DIAPH3: variants seen among roughly 807,000 people sequenced by gnomAD.
DIAPH3 encodes the protein diaphanous related formin 3, also known as protein diaphanous homolog 3.
DIAPH3 carries 117 observed loss-of-function variants against 144.3 expected under a neutral mutation model. The ratio of observed to expected loss-of-function variants is 0.81; its 90% CI spans 0.70 to 0.95. The LOEUF (loss-of-function observed/expected upper bound fraction) is 0.95, where lower values mean the gene tolerates loss of function less well. Among genes scored for constraint, DIAPH3 ranks in the 40% least tolerant of loss-of-function variants. The probability of loss-of-function intolerance (pLI) is 0.00; values close to 1 mark genes in which losing one functional copy is unlikely to be tolerated. For synonymous variants in DIAPH3, 519 were observed against 488.9 expected, an observed-to-expected ratio of 1.06 and a Z score of -0.81; for missense variants, 1,421 against 1,412.7, an observed-to-expected ratio of 1.01 and a Z score of -0.09.
intron 5 of DIAPH3, among the ~76,000 whole-genome samples, chr13:60,017,886 TACTCTTC>T (rs2053760232): frequency 6.6e-6 from 1 of 152,228 alleles, no homozygotes; most frequent in Non-Finnish European, 1.5e-5. Flanking sequence ...GTGAAGGGTT[TACTCTTC>T]ACTATCAGCG....
Position 59,886,249 on chromosome 13 carries a change from GA to G in DIAPH3, c.2368-6782del, listed in dbSNP as rs368625572. On this transcript the variant is annotated intron_variant, in intron 20 of 27. Transcript: ENST00000400324. ...AGTTGAGATTCATTTTAGTCCCTAA[GA>G]TGTATAGACTTTACAAAACTATTTG... Among the ~76,000 whole-genome samples the G allele has an allele frequency of 7.3e-3, 1,107 of 152,134 alleles. 5 individuals carry two copies. Among genetic ancestry groups the G allele is most frequent in the South Asian group, 9.7e-3 (47 of 4,826 alleles).
chr13:59,941,331 G>A (rs551314617), intron 17 of DIAPH3, among the ~76,000 whole-genome samples: 69 of 152,258 alleles, frequency 4.5e-4, no homozygotes, highest in African/African-American at 1.6e-3. Context: ...TGGGCCAAGA[G>A]AGAACTCGCA....
At chr13:59,818,581 T>G (rs921859870) in intron 24 of DIAPH3, among the ~76,000 whole-genome samples, 2 of 151,858 alleles carry the variant, frequency 1.3e-5, no homozygotes, top group Non-Finnish European at 3.0e-5. Context: ...TTTCCTATTC[T>G]ATGGATTGCT....
intron 27 of DIAPH3, among the ~76,000 whole-genome samples, chr13:59,707,463 A>C (rs552292972): frequency 8.5e-5 from 13 of 152,158 alleles, no homozygotes; most frequent in Non-Finnish European, 1.9e-4. Context: ...ACTGCAGAAT[A>C]AGGTTTTAGA....
chr13:59,951,336 C>G (rs1051756438), intron 17 of DIAPH3, among the ~76,000 whole-genome samples: 2 of 152,136 alleles, frequency 1.3e-5, no homozygotes, highest in African/African-American at 4.8e-5. Context: ...GCTTCCCCTT[C>G]TGCTATGATT....
At position 59,861,411 on chromosome 13, in the gene DIAPH3, A is replaced by G. The variant is rs2043576821; in HGVS notation, c.2733T>C (p.Ser911=). 2.5e-6 allele frequency: 4 copies of G among 1,613,776 alleles called. No individual in the cohort carries two copies. Among genetic ancestry groups the G allele is most frequent in the Admixed American group, 1.7e-5 (1 of 60,022 alleles). The change falls in exon 22 of 28, where the codon AGT becomes AGC. Residue 911 remains serine, a synonymous_variant. Coordinates refer to ENST00000400324, the MANE Select transcript of DIAPH3 (RefSeq NM_001042517.2). ...GTTTCTTAAAAAGGCACAAACCTTT[A>G]CTAGCTTTGTCTAAAGGTTCCAAAT... ...VDDLEPLDKA[S]KVSVETLEKN...
At chr13:60,153,813 T>C (rs1182308146) in intron 1 of DIAPH3, among the ~76,000 whole-genome samples, 1 of 152,138 alleles carries the variant, frequency 6.6e-6, no homozygotes, top group African/African-American at 2.4e-5. Context: ...GTAACATTAT[T>C]TTTATTATCA....
At chr13:59,676,559 A>G (rs2032655001) in intron 27 of DIAPH3, among the ~76,000 whole-genome samples, 1 of 152,220 alleles carries the variant, frequency 6.6e-6, no homozygotes, top group African/African-American at 2.4e-5. Flanking sequence ...TCATTAGTTA[A>G]TTCAGTGAGG....
intron 1 of DIAPH3, among the ~76,000 whole-genome samples, chr13:60,156,917 T>TCACA (rs376236763): frequency 2.3e-5 from 2 of 86,754 alleles, no homozygotes; most frequent in Non-Finnish European, 4.5e-5. Context: ...CCCAGATCCT[T>TCACA]CATATATATA....
intron 4 of DIAPH3, among the ~76,000 whole-genome samples, chr13:60,051,611 C>T (rs988897521): frequency 6.6e-6 from 1 of 151,564 alleles, no homozygotes; most frequent in Non-Finnish European, 1.5e-5. Flanking sequence ...CAAGAAACTC[C>T]GTCTCAAAAA....
At chr13:60,142,599 GT>G (rs2059447676) in intron 1 of DIAPH3, among the ~76,000 whole-genome samples, 1 of 152,044 alleles carries the variant, frequency 6.6e-6, no homozygotes, top group Non-Finnish European at 1.5e-5. Context: ...CTCCACACGT[GT>G]GCGAGTCCCA....
chr13:59,996,196 C>A (rs1397885439), intron 9 of DIAPH3, among the ~76,000 whole-genome samples: 2 of 152,074 alleles, frequency 1.3e-5, no homozygotes, highest in Admixed American at 1.3e-4. Context: ...CAAGCAGAAA[C>A]TACTTGCCTC....
chr13:60,154,367 T>C (rs1023405309), intron 1 of DIAPH3, among the ~76,000 whole-genome samples: 4 of 152,122 alleles, frequency 2.6e-5, no homozygotes, highest in African/African-American at 9.7e-5. Context: ...AAGTAATTGC[T>C]CAGTTCACAC....
chr13:59,763,557 G>C (rs1212459452), intron 27 of DIAPH3, among the ~76,000 whole-genome samples: 1 of 152,022 alleles, frequency 6.6e-6, no homozygotes, highest in Non-Finnish European at 1.5e-5. Context: ...GGTGGTACGT[G>C]CCTGTAGTCC....
intron 20 of DIAPH3, among the ~76,000 whole-genome samples, chr13:59,892,544 G>A (rs2045870245): frequency 4.6e-5 from 7 of 152,024 alleles, no homozygotes; most frequent in Admixed American, 2.0e-4. Flanking sequence ...ATATAGGTAA[G>A]TAGATATAAA....
At chr13:59,770,509 G>T (rs760280839) in intron 27 of DIAPH3, among the ~76,000 whole-genome samples, 8 of 152,052 alleles carry the variant, frequency 5.3e-5, no homozygotes, top group Non-Finnish European at 1.0e-4. Flanking sequence ...GAAGACTAGG[G>T]TGTTACTAGA....
intron 25 of DIAPH3, among the ~76,000 whole-genome samples, chr13:59,775,124 C>T (rs572437840): frequency 1.3e-5 from 2 of 152,290 alleles, no homozygotes; most frequent in African/African-American, 4.8e-5. Flanking sequence ...GAATGTGGTT[C>T]TAGTCATGTT....
At chr13:59,758,470 CAT>C (rs920954570) in intron 27 of DIAPH3, among the ~76,000 whole-genome samples, 3 of 152,300 alleles carry the variant, frequency 2.0e-5, no homozygotes, top group African/African-American at 7.2e-5. Flanking sequence ...AGAGTCAGGA[CAT>C]GTGTGGAATG....
intron 1 of DIAPH3, among the ~76,000 whole-genome samples, chr13:60,139,218 A>C (rs747147526): frequency 1.8e-4 from 28 of 152,222 alleles, no homozygotes; most frequent in Non-Finnish European, 4.1e-4. Flanking sequence ...AATAATACTG[A>C]AGCTTTCATA....
Sources: gnomAD v4.1 joint callset for allele counts (sites outside exome capture counted in the v4.1 genomes callset) on GRCh38, gnomAD v4.1.1 for gene constraint, MANE v1.5 for transcripts, NCBI Gene and HGNC (gene_info 2026-07-23, HGNC 2026-07-21) for gene names.